Variants in CACNA1C observed in about 807,000 individuals in gnomAD.
The protein encoded by CACNA1C is calcium voltage-gated channel subunit alpha1 C.
In CACNA1C, 30 loss-of-function variants were observed where a neutral mutation model predicts 229.0. The observed-to-expected ratio is 0.13, with a 90% CI of 0.10 to 0.18. The LOEUF (loss-of-function observed/expected upper bound fraction) is 0.18. Ranked by LOEUF, CACNA1C falls within the 10% of genes least tolerant of loss-of-function variation. The pLI is 1.00. For synonymous variants in CACNA1C, 1,114 were observed against 1,132.5 expected (o/e 0.98, Z 0.33); for missense variants, 1,658 against 2,845.0 (o/e 0.58, Z 9.49).
chr12:2,355,009 A>G (rs1046700117), intron 3 of CACNA1C, among the ~76,000 whole-genome samples: 1 of 148,964 alleles, frequency 6.7e-6, no homozygotes, highest in Non-Finnish European at 1.5e-5. Context: ...GGTGGGGTGG[A>G]GGGCTGAAGA....
chr12:2,438,638 C>T (rs891484778), intron 3 of CACNA1C, among the ~76,000 whole-genome samples: 4 of 151,820 alleles, frequency 2.6e-5, no homozygotes, highest in Admixed American at 6.6e-5. Context: ...GGCTGGGGAA[C>T]GGGGAGGGTC....
At chr12:2,057,656 C>T (rs1003478370) in intron 1 of CACNA1C, among the ~76,000 whole-genome samples, 1 of 152,208 alleles carries the variant, frequency 6.6e-6, no homozygotes, top group Non-Finnish European at 1.5e-5. Context: ...TGGAGCCCAC[C>T]CAGTCCGTCG....
chr12:2,670,638 A>G (rs2096515041), intron 38 of CACNA1C, among the ~76,000 whole-genome samples: 1 of 152,112 alleles, frequency 6.6e-6, no homozygotes, highest in Non-Finnish European at 1.5e-5. Context: ...AGTCGGGCAG[A>G]TCCCGAGGTC....
At chr12:2,072,158 A>T (rs1165235712) in intron 1 of CACNA1C, among the ~76,000 whole-genome samples, 1 of 151,568 alleles carries the variant, frequency 6.6e-6, no homozygotes, top group Admixed American at 6.6e-5. Flanking sequence ...CTTCAAATGT[A>T]TGCAACAAGA....
chr12:2,305,564 G>T (rs2094943687), intron 3 of CACNA1C, among the ~76,000 whole-genome samples: 1 of 152,220 alleles, frequency 6.6e-6, no homozygotes, highest in Admixed American at 6.5e-5. Context: ...GGTTGCTCAA[G>T]GCAGATGCAG....
At position 2,677,999 on chromosome 12, in the gene CACNA1C, C is replaced by A; in HGVS notation, c.5091+132C>A. The A allele has an allele frequency of 9.6e-7, 1 of 1,042,416 alleles. No individual in the cohort carries two copies. The highest frequency in any genetic ancestry group is 1.4e-6 in the Non-Finnish European group (1 of 707,282). 64.6% of individuals were successfully genotyped at this position (1,042,416 alleles called of 1,614,324 possible). ...GGAAAGGGCTACTTCCAGGCTCTTC[C>A]TGATGAGCTGTCTCCTCACCCCTTT... On this transcript the variant is annotated intron_variant, in intron 41 of 46. Coordinates refer to ENST00000399655, the MANE Select transcript of CACNA1C (RefSeq NM_000719.7). This position sits in a 1 kb window ranked among gnomAD's most constrained non-coding sequence, Gnocchi z 7.4.
chr12:2,435,474 C>T (rs1466070539), intron 3 of CACNA1C, among the ~76,000 whole-genome samples: 3 of 152,202 alleles, frequency 2.0e-5, no homozygotes, highest in Non-Finnish European at 2.9e-5. Context: ...TCGGCACAGG[C>T]CGTCCGTGTT....
At position 2,634,371 on chromosome 12, in the gene CACNA1C, C is replaced by T. The variant is rs1489840314; in HGVS notation, c.3903C>T (p.Thr1301=). 3.2e-6 allele frequency: 5 copies of T among 1,566,552 alleles called. No individual in the cohort carries two copies. Among genetic ancestry groups the T allele is most frequent in the Non-Finnish European group, 4.4e-6 (5 of 1,149,108 alleles). The change falls in exon 30 of 47, where the codon ACC becomes ACT. Residue 1301 remains threonine (T), a synonymous_variant. Coordinates refer to ENST00000399655, the MANE Select transcript of CACNA1C (RefSeq NM_000719.7). ...VVGSIVDIAI[T]EVNPAEHTQC... is the part of the protein sequence containing the mutation. ...GTAGCATTGTTGATATAGCAATCAC[C>T]GAGGTAAACGTAAGTACATGGCGTC...
At chr12:2,162,730 G>A (rs2095953523) in intron 3 of CACNA1C, among the ~76,000 whole-genome samples, 1 of 152,050 alleles carries the variant, frequency 6.6e-6, no homozygotes, top group African/African-American at 2.4e-5. Flanking sequence ...CTGGGACACT[G>A]CCTGGCCCAT....
At chr12:2,469,756 C>T (rs570454287) in intron 5 of CACNA1C, among the ~76,000 whole-genome samples, 5 of 152,274 alleles carry the variant, frequency 3.3e-5, no homozygotes, top group African/African-American at 9.6e-5. Context: ...CTAATAAATA[C>T]TTGTGCAAAA....
chr12:2,574,563 CACAG>C (rs1311610442), intron 13 of CACNA1C, among the ~76,000 whole-genome samples: 1 of 152,206 alleles, frequency 6.6e-6, no homozygotes, highest in Non-Finnish European at 1.5e-5. Context: ...GCTGATTCAG[CACAG>C]ACAGATTGGC....
intron 3 of CACNA1C, among the ~76,000 whole-genome samples, chr12:2,180,305 C>A (rs2096796257): frequency 6.6e-6 from 1 of 152,230 alleles, no homozygotes; most frequent in Non-Finnish European, 1.5e-5. Flanking sequence ...GTGGGGAAAG[C>A]ATTAGGATAC....
At chr12:2,273,483 GCT>G (rs1302520560) in intron 3 of CACNA1C, among the ~76,000 whole-genome samples, 2 of 152,174 alleles carry the variant, frequency 1.3e-5, no homozygotes, top group Non-Finnish European at 2.9e-5. Flanking sequence ...CCCAGAGCCG[GCT>G]CTTTCTGTGG....
At chr12:2,094,490 G>T (rs987991459) in intron 1 of CACNA1C, among the ~76,000 whole-genome samples, 1 of 152,126 alleles carries the variant, frequency 6.6e-6, no homozygotes, top group Non-Finnish European at 1.5e-5. Context: ...TATTTCTTTG[G>T]CCAGCATGTC....
intron 3 of CACNA1C, among the ~76,000 whole-genome samples, chr12:2,353,341 A>G (rs184273517): frequency 3.8e-4 from 58 of 152,338 alleles, no homozygotes; most frequent in South Asian, 6.2e-4. Flanking sequence ...TCTGAAGCCC[A>G]TGGGGACAAC....
At position 2,670,454 on chromosome 12, in the gene CACNA1C, G is replaced by A. The variant is rs1161054778; in HGVS notation, c.4726+1419G>A. ...TTAATTCATTGAATAACCCAGACAT[G>A]GGCCTTCTCTCCGTTAGATCCTTCA... On this transcript the variant is annotated intron_variant, in intron 38 of 46. Coordinates refer to ENST00000399655, the MANE Select transcript of CACNA1C (RefSeq NM_000719.7). Among the ~76,000 whole-genome samples the A allele has an allele frequency of 2.6e-5, 4 of 152,100 alleles. No individual in the cohort carries two copies. The East Asian group carries it at 7.7e-4, about 29-fold the overall frequency.
At chr12:2,129,146 C>G (rs2091396568) in intron 3 of CACNA1C, among the ~76,000 whole-genome samples, 1 of 152,186 alleles carries the variant, frequency 6.6e-6, no homozygotes, top group African/African-American at 2.4e-5. Flanking sequence ...TGTGTTGCCC[C>G]AAGAACCGAT....
upstream of CACNA1C, among the ~76,000 whole-genome samples, chr12:2,050,775 T>C (rs908889390): frequency 1.3e-5 from 2 of 152,196 alleles, no homozygotes; most frequent in African/African-American, 2.4e-5. Flanking sequence ...ACTTGCATTT[T>C]ACACTGGGGC....
intron 3 of CACNA1C, among the ~76,000 whole-genome samples, chr12:2,395,602 G>A (rs941695027): frequency 2.6e-5 from 4 of 152,080 alleles, no homozygotes; most frequent in Admixed American, 1.3e-4. Context: ...AAAGCAAGTC[G>A]GGTCCCTCTG....
Sources: gnomAD v4.1 joint callset for allele counts (sites outside exome capture counted in the v4.1 genomes callset) on GRCh38, gnomAD v4.1.1 for gene constraint, Gnocchi (gnomAD v3.1) non-coding constraint, MANE v1.5 for transcripts, NCBI Gene and HGNC (gene_info 2026-07-23, HGNC 2026-07-21) for gene names.